TASOR: variants seen among roughly 807,000 people sequenced by gnomAD.
TASOR encodes transcription activation suppressor.
Under a neutral mutation model 178.6 loss-of-function variants are expected in TASOR, and 53 were observed. That is an observed-to-expected ratio of 0.30 (90% confidence interval 0.24 to 0.37). TASOR has a LOEUF of 0.37. TASOR is among the 10% of genes least tolerant of loss of function. The probability of loss-of-function intolerance (pLI) is 1.00; values close to 1 mark genes in which losing one functional copy is unlikely to be tolerated. For missense variants in TASOR, 1,815 were observed against 1,971.4 expected, an observed-to-expected ratio of 0.92 and a Z score of 1.50; for synonymous variants, 713 against 696.2, an observed-to-expected ratio of 1.02 and a Z score of -0.38.
chr3:56,622,843 T>TGAA lies in TASOR; in HGVS notation c.*193_*194insTTC. 1 of 370,834 alleles carries TGAA rather than the reference T, an allele frequency of 2.7e-6. No homozygotes were observed. The highest frequency in any genetic ancestry group is 4.7e-6 in the Non-Finnish European group (1 of 210,802). The allele number at this position is 370,834 out of a possible 1,614,324, so 23.0% of individuals were successfully genotyped here. ...AAAACTTAGAAGTGCCAACATGAGATAATTCAAGTACAATATATGTTAAAA... is the reference window on the plus strand; with the variant it reads ...AAAACTTAGAAGTGCCAACATGAGATGAAAATTCAAGTACAATATATGTTAAAA... On this transcript the variant is annotated 3_prime_UTR_variant, in exon 24 of 24. Transcript: ENST00000683822.
chr3:56,666,319 T>C lies in TASOR; in HGVS notation c.963A>G (p.Ala321=), dbSNP rs962693989. 2.3e-5 allele frequency: 36 copies of C among 1,547,376 alleles called. No individual in the cohort carries two copies. The East Asian group carries it at 6.4e-4, about 27-fold the overall frequency. The part of the protein sequence containing the change: ...RRRPRHVCPY[A]VVSFTYKDDI... ...CATCTTTGTAAGTAAAAGACACAAC[T>C]GCATATGGACAAACGTGTCTTGGTC... Residue 321 remains alanine (A), a synonymous_variant, in exon 7 of 24, where the codon GCA becomes GCG. Coordinates refer to ENST00000683822, the MANE Select transcript of TASOR (RefSeq NM_001365635.2).
intron 16 of TASOR, among the ~76,000 whole-genome samples, chr3:56,639,752 T>C (rs1192989528): frequency 1.3e-5 from 2 of 149,174 alleles, no homozygotes; most frequent in Non-Finnish European, 3.0e-5. Flanking sequence ...AGACAGTGTG[T>C]CTTAAATCCC....
intron 6 of TASOR, among the ~76,000 whole-genome samples, chr3:56,667,065 G>A (rs920702356): frequency 5.3e-5 from 8 of 152,120 alleles, no homozygotes; most frequent in African/African-American, 1.7e-4. Context: ...AAAAATGGCT[G>A]GAGTTTTTAA....
chr3:56,656,534 T>C (rs1254006352), intron 11 of TASOR, among the ~76,000 whole-genome samples: 1 of 151,872 alleles, frequency 6.6e-6, no homozygotes, highest in African/African-American at 2.4e-5. Flanking sequence ...GAGGTTGCAG[T>C]GAGCTGAGAT....
intron 6 of TASOR, among the ~76,000 whole-genome samples, chr3:56,666,877 A>G (rs2030055251): frequency 6.6e-6 from 1 of 152,334 alleles, no homozygotes; most frequent in African/African-American, 2.4e-5. Flanking sequence ...CCCTCTTCCC[A>G]TTACCCATCA....
rs557096092 is a variant in TASOR, at chr3:56,623,400, T to C, written c.4650A>G (p.Gln1550=). 75 of 1,613,758 alleles carry C rather than the reference T, an allele frequency of 4.6e-5. No individual in the cohort carries two copies. The highest frequency in any genetic ancestry group is 3.3e-4 in the Admixed American group (20 of 60,008). ...AACTGTTTTGCACATCAGGAGACGA[T>C]TGCAACTCAATTTGAGTATTCTTTT... ...DQKKNTQIEL[Q]SSPDVQNSLL... The change falls in exon 24 of 24, where the codon CAA becomes CAG. Residue 1550 remains glutamine, a synonymous_variant. Coordinates refer to ENST00000683822, the MANE Select transcript of TASOR (RefSeq NM_001365635.2).
intron 4 of TASOR, 45 bp downstream of exon 4, chr3:56,670,028 G>A: frequency 2.4e-6 from 3 of 1,243,614 alleles, no homozygotes; most frequent in Non-Finnish European, 3.4e-6. Flanking sequence ...TTTTTAGACA[G>A]CAACTTAGTA....
chr3:56,638,178 A>G (rs2077053952), intron 17 of TASOR, among the ~76,000 whole-genome samples: 2 of 152,050 alleles, frequency 1.3e-5, no homozygotes, highest in African/African-American at 4.8e-5. Context: ...CAGCCTGGCA[A>G]ACATGGTGAA....
chr3:56,674,137 A>G (rs1339920134), intron 1 of TASOR, among the ~76,000 whole-genome samples: 1 of 151,732 alleles, frequency 6.6e-6, no homozygotes, highest in East Asian at 1.9e-4. Context: ...GAGACCATAA[A>G]AGCATTTAAG....
Position 56,641,734 on chromosome 3 carries a change from C to T in TASOR, c.2234G>A (p.Gly745Asp). Reference protein sequence around the residue: ...HLYEESPQPIGSLGHDADLRR... With the variant: ...HLYEESPQPIDSLGHDADLRR... ...CAAGTCAGCATCATGTCCAAGTGAG[C>T]CAATAGGCTGTGGAGACTCTGAGAA... The change falls in exon 15 of 24, where the codon GGC becomes GAC. Residue 745 changes from glycine to aspartate, a missense_variant. By Grantham distance (94) the Gly-to-Asp change is moderately conservative (BLOSUM62 -1). Around this residue, in one of 5 missense-constraint regions of TASOR, gnomAD observed 655 missense variants for 671.1 expected, o/e 0.98. Transcript: ENST00000683822. 1.2e-6 allele frequency: 2 copies of T among 1,613,010 alleles called. No homozygotes were observed. The highest frequency in any genetic ancestry group is 1.7e-6 in the Non-Finnish European group (2 of 1,179,164).
chr3:56,624,610 T>C lies in TASOR; in HGVS notation c.4352A>G (p.Asp1451Gly). The C allele has an allele frequency of 1.2e-6, 2 of 1,613,672 alleles. No individual in the cohort carries two copies. Among genetic ancestry groups the C allele is most frequent in the Non-Finnish European group, 1.7e-6 (2 of 1,179,860 alleles). ...AGCAGTTGCAACCACTATTCCATTATCTGTATAACTGGAAAGCATCTTGAT... is the reference window on the plus strand; with the variant it reads ...AGCAGTTGCAACCACTATTCCATTACCTGTATAACTGGAAAGCATCTTGAT... Reference protein sequence around the residue: ...KNIKMLSSYTDNGIVVATAED... With the variant: ...KNIKMLSSYTGNGIVVATAED... Residue 1451 changes from aspartate (D) to glycine (G), a missense_variant, in exon 23 of 24, where the codon GAT (aspartate) becomes GGT (glycine). Physicochemically the swap from Asp to Gly is moderately conservative, Grantham distance 94. Transcript: ENST00000683822.
intron 14 of TASOR, among the ~76,000 whole-genome samples, chr3:56,644,476 C>G (rs1395750653): frequency 6.6e-6 from 1 of 151,896 alleles, no homozygotes; most frequent in Non-Finnish European, 1.5e-5. Flanking sequence ...ATGGAAGCTA[C>G]TTCAGGAAAA....
At chr3:56,653,262 C>CAAAAAAAAAA (rs1176419181) in intron 11 of TASOR, among the ~76,000 whole-genome samples, 8 of 4,948 alleles carry the variant, frequency 1.6e-3, no homozygotes, top group East Asian at 9.3e-3. Context: ...GACTCCATCT[C>CAAAAAAAAAA]AAAAAAAAAA....
chr3:56,648,587 C>T (rs1447020727), intron 13 of TASOR, among the ~76,000 whole-genome samples: 5 of 142,258 alleles, frequency 3.5e-5, no homozygotes, highest in East Asian at 4.2e-4. Flanking sequence ...GCTGAGATCG[C>T]GCCCCTGCAC....
At position 56,646,671 on chromosome 3, in the gene TASOR, T is replaced by G. The variant is rs2077245226; in HGVS notation, c.2066A>C (p.Gln689Pro). The G allele has an allele frequency of 6.2e-7, 1 of 1,613,862 alleles. No individual in the cohort carries two copies. Among genetic ancestry groups the G allele is most frequent in the Non-Finnish European group, 8.5e-7 (1 of 1,180,010 alleles). Residue 689 changes from glutamine to proline, a missense_variant, in exon 14 of 24, where the codon CAG (glutamine) becomes CCG (proline). Gln to Pro is a moderately conservative substitution (Grantham distance 76, BLOSUM62 -1). This residue lies in a region of TASOR where 504 missense variants were observed against 645.3 expected (regional missense o/e 0.78). Transcript: ENST00000683822. ...DRVKELINLIQCRKKSVGGDS... is the reference protein window; with the variant it reads ...DRVKELINLIPCRKKSVGGDS... Reference sequence around the variant, plus strand: ...CCCACCCACACTCTTTTTCCTACACTGAATTAAATTAATCAATTCTTTGAC... The same window carrying G: ...CCCACCCACACTCTTTTTCCTACACGGAATTAAATTAATCAATTCTTTGAC...
At chr3:56,623,657 T>C in intron 23 of TASOR, 91 bp from the exon 24 acceptor site, 1 of 1,544,430 alleles carries the variant, frequency 6.5e-7, no homozygotes, top group Non-Finnish European at 8.7e-7. Context: ...ATATAACGCG[T>C]CAGGGTCTGC....
At chr3:56,664,853 C>T (rs2107618150) in intron 7 of TASOR, among the ~76,000 whole-genome samples, 1 of 152,194 alleles carries the variant, frequency 6.6e-6, no homozygotes, top group Non-Finnish European at 1.5e-5. Flanking sequence ...TACTCAGTAA[C>T]ACAAGAACAG....
chr3:56,646,913 C>T lies in TASOR; in HGVS notation c.1824G>A (p.Arg608=). 1 of 1,611,316 alleles carries T rather than the reference C, an allele frequency of 6.2e-7. No homozygotes were observed. The highest frequency in any genetic ancestry group is 8.5e-7 in the Non-Finnish European group (1 of 1,179,402). The stretch of plus-strand genomic sequence containing the variant: ...AAATAGGTAACTGATACACTTCAGG[C>T]CGAAAAATATAGGCATGCAAACAAG... ...IDTCLHAYIF[R]PEVYQLPICK... Residue 608 remains arginine (R), a synonymous_variant, in exon 14 of 24, where the codon CGG becomes CGA. Transcript: ENST00000683822.
chr3:56,671,788 C>A, intron 2 of TASOR, 96 bp from the exon 3 acceptor site: 1 of 888,552 alleles, frequency 1.1e-6, no homozygotes, highest in Non-Finnish European at 1.7e-6. Context: ...TCACACCTAC[C>A]AAAATGGAAA....
Sources: allele counts gnomAD v4.1 joint callset (sites outside exome capture counted in the v4.1 genomes callset), GRCh38; gene constraint gnomAD v4.1.1; regional missense constraint gnomAD v4.1.1; transcripts MANE v1.5; gene names NCBI Gene and HGNC (gene_info 2026-07-23, HGNC 2026-07-21).